The following ACTR8 variants were observed in gnomAD, a reference collection of about 807,000 sequenced individuals.
The protein encoded by ACTR8 is actin related protein 8, also known as actin-related protein 8.
A neutral mutation model predicts 84.3 loss-of-function variants in ACTR8; 70 were observed. The ratio of observed to expected loss-of-function variants is 0.83; its 90% CI spans 0.68 to 1.01. The LOEUF is 1.01. Ranked by LOEUF, ACTR8 falls within the 50% of genes least tolerant of loss-of-function variation. The pLI, the probability that ACTR8 is intolerant of heterozygous loss-of-function variation, is 0.00. For missense variants in ACTR8, 672 were observed against 775.4 expected, an observed-to-expected ratio of 0.87 and a Z score of 1.58; for synonymous variants, 268 against 275.2, an observed-to-expected ratio of 0.97 and a Z score of 0.26.
downstream of ACTR8, among the ~76,000 whole-genome samples, chr3:53,863,563 C>G (rs762967667): frequency 6.6e-6 from 1 of 152,222 alleles, no homozygotes; most frequent in Non-Finnish European, 1.5e-5. Context: ...GCTGTCTGAC[C>G]TGTATTCGTT....
chr3:53,866,635 C>T (rs1282984128), downstream of ACTR8, among the ~76,000 whole-genome samples: 2 of 142,630 alleles, frequency 1.4e-5, no homozygotes, highest in African/African-American at 5.2e-5. Flanking sequence ...GCACCCACCA[C>T]CACACCCAGC....
rs1699883765 is a variant in ACTR8 at position 53,871,505 on chromosome 3, CA to C, written c.1303-10del. The C allele has an allele frequency of 1.2e-6, 2 of 1,613,398 alleles. No homozygotes were observed. The highest frequency in any genetic ancestry group is 1.7e-6 in the Non-Finnish European group (2 of 1,179,790). On this transcript the variant is annotated splice_polypyrimidine_tract_variant and intron_variant, in intron 10 of 12. Transcript: ENST00000335754. ...GCAGTAGCTTTTGCAGACTTTAAATCAAAAGGACAATCAAGTATGTGGTATT... is the reference window on the plus strand; with the variant it reads ...GCAGTAGCTTTTGCAGACTTTAAATCAAAGGACAATCAAGTATGTGGTATT...
downstream of ACTR8, among the ~76,000 whole-genome samples, chr3:53,862,751 T>C (rs1440630152): frequency 6.6e-6 from 1 of 152,180 alleles, no homozygotes; most frequent in Non-Finnish European, 1.5e-5. Context: ...CAAGACTGCT[T>C]TTCACTTCTT....
At position 53,880,231 on chromosome 3, in the gene ACTR8, A is replaced by C. The variant is rs995180183; in HGVS notation, c.124-122T>G. ...TCAAAGGTATCAAAATAATTCAATAAAGTTCTTTGAGAAGTATCCAATTAC... is the reference window on the plus strand; with the variant it reads ...TCAAAGGTATCAAAATAATTCAATACAGTTCTTTGAGAAGTATCCAATTAC... On this transcript the variant is annotated intron_variant, in intron 1 of 12. Coordinates refer to ENST00000335754, the MANE Select transcript of ACTR8 (RefSeq NM_022899.5). The C allele has an allele frequency of 1.2e-5, 12 of 1,039,408 alleles. No individual in the cohort carries two copies. The South Asian group carries it at 2.0e-4, about 17-fold the overall frequency. The allele number at this position is 1,039,408 out of a possible 1,614,324, so 64.4% of individuals were successfully genotyped here.
In ACTR8 at chr3:53,871,149, A is replaced by G. The variant is rs190206481; in HGVS notation, c.1567+83T>C. ...CTTTTCAATGAATATGTTATACTGC[A>G]CAAGTATATCCTAGACTGAACCAAT... On this transcript the variant is annotated intron_variant, in intron 11 of 12. Coordinates refer to ENST00000335754, the MANE Select transcript of ACTR8 (RefSeq NM_022899.5). 3.0e-4 allele frequency: 451 copies of G among 1,521,148 alleles called. 3 individuals are homozygous for G. The East Asian group carries it at 5.5e-3, about 19-fold the overall frequency. The allele number at this position is 1,521,148 out of a possible 1,614,324, so 94.2% of individuals were successfully genotyped here.
At chr3:53,875,915 G>C in intron 7 of ACTR8, 33 bp downstream of exon 7, 1 of 1,613,388 alleles carries the variant, frequency 6.2e-7, no homozygotes, top group South Asian at 1.1e-5. Context: ...GAGGGAAGAG[G>C]AAACAGGGAA....
At position 53,880,046 on chromosome 3, in the gene ACTR8, C is replaced by T; in HGVS notation, c.187G>A (p.Ala63Thr). ...PGSTTLRIGR[A>T]TDTLPASIPH... ...ATGCTGGCAGGAAGAGTGTCTGTGG[C>T]TCGACCAATCCTTAAAGTTGTTGAA... The change falls in exon 2 of 13, where the codon GCC becomes ACC. Residue 63 changes from alanine to threonine, a missense_variant. By Grantham distance (58) the Ala-to-Thr change is moderately conservative (BLOSUM62 0). Transcript: ENST00000335754. 5 of 1,614,164 alleles carry T rather than the reference C, an allele frequency of 3.1e-6. No individual in the cohort carries two copies. The highest frequency in any genetic ancestry group is 4.2e-6 in the Non-Finnish European group (5 of 1,180,022).
downstream of ACTR8, chr3:53,864,636 G>A: frequency 1.2e-6 from 1 of 811,574 alleles, no homozygotes; most frequent in Non-Finnish European, 2.0e-6. Flanking sequence ...CAAGGCCCTT[G>A]GTGCTCAGCT....
the ACTR8 span, chr3:53,859,075 T>C: frequency 2.7e-6 from 1 of 366,706 alleles, no homozygotes; most frequent in African/African-American, 2.1e-5. Flanking sequence ...AAATACACAG[T>C]GCAAAATGGA....
chr3:53,866,879 C>G (rs551568099), downstream of ACTR8, among the ~76,000 whole-genome samples: 6 of 152,300 alleles, frequency 3.9e-5, 1 homozygote, highest in African/African-American at 1.2e-4. Context: ...AATACTGAAT[C>G]TTCTCTGGAA....
chr3:53,882,071 TC>T lies in ACTR8; in HGVS notation c.30del (p.Asn11ThrfsTer16). The T allele has an allele frequency of 1.3e-6, 2 of 1,551,598 alleles. No homozygotes were observed. Among genetic ancestry groups the T allele is most frequent in the South Asian group, 2.4e-5 (2 of 84,060 alleles). On this transcript the variant is annotated frameshift_variant, in exon 1 of 13. Coordinates refer to ENST00000335754, the MANE Select transcript of ACTR8 (RefSeq NM_022899.5). LOFTEE classifies it high-confidence loss of function. ...TTCTCGCCGCCCTTCTCCTTTCCGT[TC>T]TCCGTATCACCCTTCTCAGCCTGGG... MTQAEKGDTENGKEKGGEKE... is the reference protein window; with the variant it reads MTQAEKGDTXNGKEKGGEKE...
In ACTR8 at chr3:53,870,027, G is replaced by A. The variant is rs144617747; in HGVS notation, c.1686C>T (p.Ser562=). 70 of 1,614,068 alleles carry A rather than the reference G, an allele frequency of 4.3e-5. No homozygotes were observed. Among genetic ancestry groups the A allele is most frequent in the Non-Finnish European group, 5.5e-5 (65 of 1,180,032 alleles). ...CCACATTTTCAATAATTCGCCTGAA[G>A]GATGGTGGCATTTTGTTGAGAATTC... ...QHRILNKMPP[S]FRRIIENVDV... The change falls in exon 12 of 13, where the codon TCC becomes TCT. Residue 562 remains serine (S), a synonymous_variant. Coordinates refer to ENST00000335754, the MANE Select transcript of ACTR8 (RefSeq NM_022899.5). This position sits in a 1 kb window ranked among gnomAD's most constrained non-coding sequence, Gnocchi z 4.1.
At chr3:53,876,844 CT>C in intron 5 of ACTR8, 131 bp from the exon 6 acceptor site, 2 of 541,902 alleles carry the variant, frequency 3.7e-6, no homozygotes, top group Non-Finnish European at 3.3e-6. Context: ...AAGCTCAAAC[CT>C]CTGTACTATC....
Position 53,874,216 on chromosome 3 carries a change from C to G in ACTR8, c.1060G>C (p.Asp354His). 1 of 1,612,774 alleles carries G rather than the reference C, an allele frequency of 6.2e-7. No individual in the cohort carries two copies. Among genetic ancestry groups the G allele is most frequent in the Non-Finnish European group, 8.5e-7 (1 of 1,179,550 alleles). The change falls in exon 8 of 13, where the codon GAT becomes CAT. Residue 354 changes from aspartate to histidine, a missense_variant. Physicochemically the swap from Asp to His is moderately conservative, Grantham distance 81. Coordinates refer to ENST00000335754, the MANE Select transcript of ACTR8 (RefSeq NM_022899.5). ...AATATTGATTCTGCTCCCACCTGAT[C>G]TAAATGACAAAAAGTTTCTTTAAGG... ...QHLKETFCHL[D>H]QDISGLQDHE...
In ACTR8 at chr3:53,881,721, C is replaced by T. The variant is rs889015805; in HGVS notation, c.123+258G>A. ...GCCAGAGCCCGGGCAGGAGCGCACA[C>T]AACCAGACGGTGGGGCGTGCGGGAG... On this transcript the variant is annotated intron_variant, in intron 1 of 12. Transcript: ENST00000335754. 126 of 587,712 alleles carry T rather than the reference C, an allele frequency of 2.1e-4. 1 individual carries two copies. Among genetic ancestry groups the T allele is most frequent in the Non-Finnish European group, 8.6e-5 (29 of 337,032 alleles). The allele number at this position is 587,712 out of a possible 1,614,324, so 36.4% of individuals were successfully genotyped here. A position where few individuals can be genotyped will look rare whatever the true frequency, so the allele number is the denominator to read the frequency against.
chr3:53,861,485 T>C, the ACTR8 span: 3 of 152,230 alleles, frequency 2.0e-5, no homozygotes, highest in Non-Finnish European at 2.9e-5. Context: ...TTGCACATTT[T>C]GCAGAATACC....
chr3:53,871,460 T>G lies in ACTR8; in HGVS notation c.1339A>C (p.Lys447Gln). 6.2e-7 allele frequency: 1 copy of G among 1,614,188 alleles called. No individual in the cohort carries two copies. Among genetic ancestry groups the G allele is most frequent in the Middle Eastern group, 1.6e-4 (1 of 6,062 alleles). ...KATADRKSAS[K>Q]PIGFEGDLRG... ...AGATCCCCTTCAAATCCAATAGGTT[T>G]GGATGCAGACTTTCGGTCAGCAGTA... is the stretch of plus-strand genomic sequence containing the variant. Residue 447 changes from lysine to glutamine, a missense_variant, in exon 11 of 13, where the codon AAA (lysine) becomes CAA (glutamine). Lys to Gln is a moderately conservative substitution (Grantham distance 53). Transcript: ENST00000335754.
chr3:53,877,931 T>C (rs182526641), intron 3 of ACTR8, among the ~76,000 whole-genome samples, 180 bp from the exon 4 acceptor site: 9 of 152,298 alleles, frequency 5.9e-5, no homozygotes, highest in African/African-American at 2.2e-4. Context: ...CTTGGGGTTC[T>C]TTTTCCCCCA....
chr3:53,876,597 T>C (rs1277036569), intron 6 of ACTR8, 23 bp downstream of exon 6: 2 of 1,306,322 alleles, frequency 1.5e-6, no homozygotes, highest in Admixed American at 3.8e-5. Context: ...TTAAAATAGG[T>C]TTCACTGGGA....
Sources: gnomAD v4.1 joint callset for allele counts (sites outside exome capture counted in the v4.1 genomes callset) on GRCh38, gnomAD v4.1.1 for gene constraint, Gnocchi (gnomAD v3.1) non-coding constraint, MANE v1.5 for transcripts, NCBI Gene and HGNC (gene_info 2026-07-23, HGNC 2026-07-21) for gene names.